Variants in LIMCH1 observed in about 807,000 individuals in gnomAD.
The protein encoded by LIMCH1 is LIM and calponin homology domains 1.
LIMCH1 carries 113 observed loss-of-function variants against 176.5 expected under a neutral mutation model. The observed-to-expected ratio is 0.64, with a 90% CI of 0.55 to 0.75. The LOEUF is 0.75. Among genes scored for constraint, LIMCH1 ranks in the 30% least tolerant of loss-of-function variants. The probability of loss-of-function intolerance (pLI) is 0.00; values close to 1 mark genes in which losing one functional copy is unlikely to be tolerated. For missense variants in LIMCH1, 1,674 were observed against 1,814.9 expected (o/e 0.92, Z 1.41); for synonymous variants, 619 against 645.9 (o/e 0.96, Z 0.63).
At position 41,685,805 on chromosome 4, in the gene LIMCH1, A is replaced by T; in HGVS notation, c.4063A>T (p.Ile1355Phe). The change falls in exon 28 of 32, where the codon ATC becomes TTC. Residue 1355 changes from isoleucine to phenylalanine, a missense_variant. By Grantham distance (21) the Ile-to-Phe change is conservative. Transcript: ENST00000503057. ...GCTGGATAAAAGCATTAACCATCAG[A>T]TCGAGTCTCCCAGTGAAAGGCGGAA... ...LPLDKSINHQIESPSERRKKS... is the reference protein window; with the variant it reads ...LPLDKSINHQFESPSERRKKS... The T allele has an allele frequency of 6.2e-7, 1 of 1,613,414 alleles. No homozygotes were observed. Among genetic ancestry groups the T allele is most frequent in the Non-Finnish European group, 8.5e-7 (1 of 1,179,584 alleles).
intron 2 of LIMCH1, among the ~76,000 whole-genome samples, chr4:41,516,086 G>A (rs779485374): frequency 2.0e-5 from 3 of 152,084 alleles, no homozygotes; most frequent in African/African-American, 2.4e-5. Context: ...AGTTCTTTTC[G>A]TGTGTTGGCA....
chr4:41,686,807 T>C (rs185175350), intron 28 of LIMCH1, among the ~76,000 whole-genome samples: 4 of 152,342 alleles, frequency 2.6e-5, no homozygotes, highest in Non-Finnish European at 4.4e-5. Context: ...TTTTCCTTTT[T>C]CCCAGTGCAA....
At chr4:41,549,854 C>T (rs2080138848) in intron 1 of LIMCH1, among the ~76,000 whole-genome samples, 1 of 152,018 alleles carries the variant, frequency 6.6e-6, no homozygotes, top group African/African-American at 2.4e-5. Flanking sequence ...ATTCTGTAAT[C>T]AACACGATTT....
At chr4:41,426,268 G>A (rs1362761511) in intron 1 of LIMCH1, among the ~76,000 whole-genome samples, 2 of 152,044 alleles carry the variant, frequency 1.3e-5, no homozygotes, top group African/African-American at 2.4e-5. Context: ...TGATCCGCCC[G>A]CCTCGGCCTC....
chr4:41,649,272 C>T (rs34765414), intron 17 of LIMCH1, among the ~76,000 whole-genome samples: 13 of 151,976 alleles, frequency 8.6e-5, no homozygotes, highest in Non-Finnish European at 1.5e-4. Context: ...TGTTGGCATA[C>T]GCCTGTAATC....
intron 3 of LIMCH1, among the ~76,000 whole-genome samples, chr4:41,530,937 G>A (rs2152436991): frequency 6.8e-6 from 1 of 147,826 alleles, no homozygotes; most frequent in African/African-American, 2.5e-5. Flanking sequence ...TGCCCCAGGT[G>A]CAGTGCTAGA....
At position 41,690,505 on chromosome 4, in the gene LIMCH1, A is replaced by G. The variant is rs148961212; in HGVS notation, c.4275+870A>G. Reference sequence around the variant, plus strand: ...TGGACACATTTCAAAATAATATATAATTTTTGAAGGCGAACCCTCTGTCTC... The same window carrying G: ...TGGACACATTTCAAAATAATATATAGTTTTTGAAGGCGAACCCTCTGTCTC... On this transcript the variant is annotated intron_variant, in intron 30 of 31. Transcript: ENST00000503057. Among the ~76,000 whole-genome samples, 702 of 152,314 alleles carry G rather than the reference A, an allele frequency of 4.6e-3. 4 individuals are homozygous for G. Among genetic ancestry groups the G allele is most frequent in the South Asian group, 8.1e-3 (39 of 4,828 alleles).
At chr4:41,526,061 A>T (rs2076621182) in intron 3 of LIMCH1, among the ~76,000 whole-genome samples, 1 of 152,158 alleles carries the variant, frequency 6.6e-6, no homozygotes, top group Non-Finnish European at 1.5e-5. Context: ...TTAGGGGCAC[A>T]TGCATTTGTC....
chr4:41,413,968 T>C (rs2059708493), intron 1 of LIMCH1, among the ~76,000 whole-genome samples: 1 of 152,188 alleles, frequency 6.6e-6, no homozygotes, highest in African/African-American at 2.4e-5. Context: ...GGGGCCTGCC[T>C]TTCTCCAGCC....
chr4:41,683,664 C>T (rs1718142326), intron 26 of LIMCH1, among the ~76,000 whole-genome samples: 1 of 152,168 alleles, frequency 6.6e-6, no homozygotes, highest in Non-Finnish European at 1.5e-5. Flanking sequence ...TCTGAGAATT[C>T]TCCTATGCTC....
At chr4:41,586,935 G>A (rs980174174) in intron 1 of LIMCH1, among the ~76,000 whole-genome samples, 25 of 152,232 alleles carry the variant, frequency 1.6e-4, no homozygotes, top group Admixed American at 1.6e-3. Context: ...TGTGCTATGA[G>A]GAAAAAATAA....
chr4:41,588,507 G>T (rs2152710191), intron 1 of LIMCH1, among the ~76,000 whole-genome samples: 1 of 152,300 alleles, frequency 6.6e-6, no homozygotes, highest in South Asian at 2.1e-4. Flanking sequence ...GCAGCATTTT[G>T]TCCAGTAGCA....
In LIMCH1 at chr4:41,626,912, C is replaced by T; in HGVS notation, c.930C>T (p.Leu310=). 8 of 1,536,138 alleles carry T rather than the reference C, an allele frequency of 5.2e-6. No individual in the cohort carries two copies. Among genetic ancestry groups the T allele is most frequent in the Non-Finnish European group, 6.1e-6 (7 of 1,146,916 alleles). ...AGCCAATGGTGCCATTAAATCAACT[C>T]CTCTATGGCCCTTATCCAAAGAAAG... ...QTKPMVPLNQ[L]LYGPYPKKGA... is the part of the protein sequence containing the mutation. The change falls in exon 8 of 32, where the codon CTC becomes CTT. Residue 310 remains leucine (L), a synonymous_variant. Transcript: ENST00000503057.
intron 1 of LIMCH1, among the ~76,000 whole-genome samples, chr4:41,443,455 C>T (rs1367318891): frequency 6.6e-6 from 1 of 152,122 alleles, no homozygotes; most frequent in African/African-American, 2.4e-5. Context: ...AGTGGATAAA[C>T]ACATTTAATA....
chr4:41,471,049 A>G (rs2066889464), intron 1 of LIMCH1, among the ~76,000 whole-genome samples: 2 of 144,470 alleles, frequency 1.4e-5, no homozygotes, highest in South Asian at 4.4e-4. Context: ...TTTTTTTAAC[A>G]TAGATGGAAG....
chr4:41,572,412 GT>G (rs11453921), intron 1 of LIMCH1, among the ~76,000 whole-genome samples: 2 of 151,760 alleles, frequency 1.3e-5, no homozygotes, highest in African/African-American at 4.8e-5. Flanking sequence ...TACAATACTA[GT>G]TTTTTTTACT....
intron 1 of LIMCH1, among the ~76,000 whole-genome samples, chr4:41,465,095 G>C (rs1024220061): frequency 6.6e-6 from 1 of 151,860 alleles, no homozygotes; most frequent in Non-Finnish European, 1.5e-5. Context: ...GCATTCCTAG[G>C]AGCCCAGAAC....
At chr4:41,693,251 A>G (rs1471089638) in intron 31 of LIMCH1, 2 of 152,212 alleles carry the variant, frequency 1.3e-5, no homozygotes, top group African/African-American at 4.8e-5. Context: ...GAAATTCAAG[A>G]ATGACTATTT....
At chr4:41,606,758 A>G (rs933393270) in intron 4 of LIMCH1, among the ~76,000 whole-genome samples, 26 of 152,290 alleles carry the variant, frequency 1.7e-4, no homozygotes, top group African/African-American at 5.8e-4. Context: ...GCCTTAGTGT[A>G]CAGGTAAGGC....
Sources: gnomAD v4.1 joint callset for allele counts (sites outside exome capture counted in the v4.1 genomes callset) on GRCh38, gnomAD v4.1.1 for gene constraint, MANE v1.5 for transcripts, NCBI Gene and HGNC (gene_info 2026-07-23, HGNC 2026-07-21) for gene names.